The following SLC4A5 variants were observed in gnomAD, a reference collection of about 807,000 sequenced individuals.
SLC4A5 encodes the protein solute carrier family 4 member 5, also known as electrogenic sodium bicarbonate cotransporter 4.
Under a neutral mutation model 120.4 loss-of-function variants are expected in SLC4A5, and 96 were observed. The observed-to-expected ratio is 0.80, with a 90% CI of 0.68 to 0.94. The LOEUF is 0.94. SLC4A5 is among the 40% of genes least tolerant of loss of function. The pLI is 0.00. For missense variants in SLC4A5, 1,259 were observed against 1,459.5 expected (o/e 0.86, Z 2.24); for synonymous variants, 550 against 571.1 (o/e 0.96, Z 0.53).
intron 22 of SLC4A5, among the ~76,000 whole-genome samples, chr2:74,233,984 G>A (rs980288586): frequency 6.6e-6 from 1 of 152,104 alleles, no homozygotes; most frequent in Non-Finnish European, 1.5e-5. Flanking sequence ...TTATAGAATT[G>A]TCTGTAAAAT....
In SLC4A5 at chr2:74,224,873, T is replaced by C. The variant is rs753413379; in HGVS notation, c.3213A>G (p.Arg1071=). 12 of 1,613,450 alleles carry C rather than the reference T, an allele frequency of 7.4e-6. No homozygotes were observed. The East Asian group carries it at 2.2e-4, about 30-fold the overall frequency. ...CACAGTCCTCGTGGGCCCCTTTTTT[T>C]CTCTTCCTCTTCTTGTCTGTCTCCT... is the stretch of plus-strand genomic sequence containing the variant. Residue 1071 remains arginine (R), a synonymous_variant, in exon 28 of 31, where the codon AGA becomes AGG. Transcript: ENST00000394019.
chr2:74,329,103 T>A (rs60533178), intron 4 of SLC4A5, among the ~76,000 whole-genome samples: 5,948 of 151,950 alleles, frequency 0.039, 400 homozygotes, highest in African/African-American at 0.14. Context: ...GGAGAGGTGG[T>A]AGGAATGATG....
rs151264180 is a variant in SLC4A5, at chr2:74,239,939, T to C, written c.2119-404A>G. 2.5e-4 allele frequency among the ~76,000 whole-genome samples: 38 copies of C among 151,320 alleles called. No individual in the cohort carries two copies. In the East Asian group the frequency reaches 7.0e-3, roughly 28 times the overall value. On this transcript the variant is annotated intron_variant, in intron 20 of 30. Transcript: ENST00000394019. ...CCCTTGTCAGTCCCCTCTTGGGTCA[T>C]TTCAGCCATTCCCCACCTTGGTGTC...
At chr2:74,303,167 C>T (rs1672528916) in intron 7 of SLC4A5, among the ~76,000 whole-genome samples, 3 of 151,798 alleles carry the variant, frequency 2.0e-5, no homozygotes, top group Admixed American at 2.0e-4. Context: ...ATCTCTTACA[C>T]TGGACTCCTC....
At chr2:74,318,729 C>T (rs998423881) in intron 5 of SLC4A5, among the ~76,000 whole-genome samples, 2 of 151,102 alleles carry the variant, frequency 1.3e-5, no homozygotes, top group Non-Finnish European at 2.9e-5. Context: ...TTGGCGAGGC[C>T]GCAGAGAAAA....
exon 9 of SLC4A5, chr2:74,265,245 T>C: frequency 6.2e-7 from 1 of 1,614,128 alleles, no homozygotes; most frequent in East Asian, 2.2e-5. Context: ...TCCTCTACCT[T>C]TTCTTCAAAC....
intron 5 of SLC4A5, among the ~76,000 whole-genome samples, chr2:74,318,902 T>C (rs370221354): frequency 6.6e-6 from 1 of 152,122 alleles, no homozygotes; most frequent in Non-Finnish European, 1.5e-5. Context: ...TACCAGCACT[T>C]GTATGTTTAT....
At chr2:74,291,620 A>T (rs550183921) in intron 7 of SLC4A5, among the ~76,000 whole-genome samples, 2 of 152,350 alleles carry the variant, frequency 1.3e-5, no homozygotes, top group Admixed American at 6.5e-5. Flanking sequence ...AGGCTCGAGG[A>T]TCAAGTACGC....
intron 1 of SLC4A5, among the ~76,000 whole-genome samples, chr2:74,342,999 C>T (rs1673659136): frequency 2.0e-5 from 3 of 152,106 alleles, no homozygotes; most frequent in African/African-American, 4.8e-5. Context: ...CAGCCCCTGA[C>T]TTTAGAAGTC....
chr2:74,314,879 A>G (rs966937988), intron 6 of SLC4A5, 66 bp downstream of exon 6: 1 of 1,417,566 alleles, frequency 7.1e-7, no homozygotes, highest in African/African-American at 1.4e-5. Context: ...AAGAGCTGTC[A>G]TAAAGACATT....
At chr2:74,230,454 A>T (rs951634353) in intron 25 of SLC4A5, among the ~76,000 whole-genome samples, 3 of 152,092 alleles carry the variant, frequency 2.0e-5, no homozygotes, top group Admixed American at 6.5e-5. Flanking sequence ...AAGTCACTCG[A>T]GTCCCCAGAC....
rs146338140 is a variant in SLC4A5 at position 74,335,271 on chromosome 2, G to A, written c.-220-1094C>T. Among the ~76,000 whole-genome samples the A allele has an allele frequency of 6.5e-3, 993 of 152,304 alleles. 16 individuals are homozygous for A. Among genetic ancestry groups the A allele is most frequent in the African/African-American group, 0.021 (893 of 41,562 alleles). On this transcript the variant is annotated intron_variant, in intron 3 of 30. Coordinates refer to ENST00000394019, the Ensembl canonical transcript of SLC4A5. ...TCTACTTAAGCAAGCTAGAGCCCAC[G>A]GAGGCATCTTGGGCCTTGGCAGAGC...
At chr2:74,266,153 G>C (rs923346653) in intron 8 of SLC4A5, among the ~76,000 whole-genome samples, 1 of 152,328 alleles carries the variant, frequency 6.6e-6, no homozygotes, top group South Asian at 2.1e-4. Context: ...GCATGCCTTA[G>C]CACATATAGA....
chr2:74,235,014 AAG>A, intron 22 of SLC4A5, 85 bp downstream of exon 22: 1 of 1,050,978 alleles, frequency 9.5e-7, no homozygotes, highest in Middle Eastern at 2.3e-4. Context: ...CCAAGAGGAG[AAG>A]AGAGTTTGAT....
intron 19 of SLC4A5, among the ~76,000 whole-genome samples, chr2:74,244,028 C>T (rs970651432): frequency 1.3e-5 from 2 of 152,152 alleles, no homozygotes; most frequent in Admixed American, 6.5e-5. Context: ...GACTGGGCTT[C>T]GCAGTAAAAC....
intron 29 of SLC4A5, among the ~76,000 whole-genome samples, chr2:74,221,953 C>G (rs10191890): frequency 0.066 from 10,112 of 152,064 alleles, 543 homozygotes; most frequent in African/African-American, 0.14. Context: ...CTATAGGGAG[C>G]TGAGGCTGGG....
intron 7 of SLC4A5, among the ~76,000 whole-genome samples, chr2:74,288,476 G>A (rs939792338): frequency 2.6e-5 from 4 of 152,174 alleles, no homozygotes; most frequent in Admixed American, 6.5e-5. Context: ...GGTGATCATC[G>A]CCGCTCTGAA....
intron 16 of SLC4A5, among the ~76,000 whole-genome samples, chr2:74,251,400 A>C (rs1263506050): frequency 2.6e-5 from 4 of 152,130 alleles, no homozygotes; most frequent in Non-Finnish European, 5.9e-5. Flanking sequence ...TCCTAAATCT[A>C]GATCAACCTG....
chr2:74,263,293 C>G (rs1272007433), intron 10 of SLC4A5, among the ~76,000 whole-genome samples: 9 of 152,152 alleles, frequency 5.9e-5, no homozygotes, highest in Non-Finnish European at 1.2e-4. Flanking sequence ...GCCATGTCAC[C>G]CAGGCTGGTC....
Sources: allele counts gnomAD v4.1 joint callset (sites outside exome capture counted in the v4.1 genomes callset), GRCh38; gene constraint gnomAD v4.1.1; transcripts MANE v1.5; gene names NCBI Gene and HGNC (gene_info 2026-07-23, HGNC 2026-07-21).